RFTN2: variants seen among roughly 807,000 people sequenced by gnomAD.
The protein encoded by RFTN2 is raftlin family member 2.
In RFTN2, 34 loss-of-function variants were observed where a neutral mutation model predicts 52.7. The observed-to-expected ratio is 0.64, with a 90% CI of 0.49 to 0.86. The LOEUF (loss-of-function observed/expected upper bound fraction) is 0.86. Ranked by LOEUF, RFTN2 falls within the 40% of genes least tolerant of loss-of-function variation. The probability of loss-of-function intolerance (pLI) is 0.00; values close to 1 mark genes in which losing one functional copy is unlikely to be tolerated. For missense variants in RFTN2, 536 were observed against 600.1 expected, an observed-to-expected ratio of 0.89 and a Z score of 1.12; for synonymous variants, 203 against 217.7, an observed-to-expected ratio of 0.93 and a Z score of 0.59.
chr2:197,587,867 A>G, intron 8 of RFTN2: 1 of 367,508 alleles, frequency 2.7e-6, no homozygotes, highest in Non-Finnish European at 5.5e-6. Flanking sequence ...AAGCCCAACT[A>G]GTTCTTGGAG....
intron 5 of RFTN2, among the ~76,000 whole-genome samples, chr2:197,619,264 G>A (rs1196005692): frequency 3.3e-5 from 5 of 151,930 alleles, no homozygotes; most frequent in Admixed American, 1.3e-4. Flanking sequence ...CATTGAGAAC[G>A]GGCCATGATG....
At chr2:197,607,340 G>A (rs2087978930) in intron 7 of RFTN2, among the ~76,000 whole-genome samples, 1 of 152,044 alleles carries the variant, frequency 6.6e-6, no homozygotes, top group South Asian at 2.1e-4. Flanking sequence ...TGGGGTGGAG[G>A]GAGGGGGCAG....
chr2:197,640,889 T>A (rs1297442045), intron 3 of RFTN2, among the ~76,000 whole-genome samples: 1 of 152,250 alleles, frequency 6.6e-6, no homozygotes, highest in Non-Finnish European at 1.5e-5. Context: ...TTCTTTGTTC[T>A]ATTTTCTTCA....
intron 5 of RFTN2, among the ~76,000 whole-genome samples, chr2:197,628,960 T>C (rs1355750901): frequency 6.6e-6 from 1 of 152,228 alleles, no homozygotes; most frequent in Non-Finnish European, 1.5e-5. Context: ...GTCCTTCCTA[T>C]GAAACTTTGC....
At chr2:197,634,402 G>T (rs1171024915) in intron 3 of RFTN2, among the ~76,000 whole-genome samples, 3 of 152,014 alleles carry the variant, frequency 2.0e-5, no homozygotes, top group Non-Finnish European at 2.9e-5. Flanking sequence ...ATTAATAAAG[G>T]TTTATTAAAT....
chr2:197,592,600 G>A (rs1452365679), intron 8 of RFTN2, among the ~76,000 whole-genome samples: 1 of 152,176 alleles, frequency 6.6e-6, no homozygotes, highest in Non-Finnish European at 1.5e-5. Flanking sequence ...CATTTGTAAT[G>A]TCTGAAATAT....
rs147689713 is a variant in RFTN2 at position 197,670,273 on chromosome 2, A to G, written c.139+5047T>C. On this transcript the variant is annotated intron_variant, in intron 1 of 8. Coordinates refer to ENST00000295049, the MANE Select transcript of RFTN2 (RefSeq NM_144629.3). ...GTATTGTGTGAGTATACCACAATTT[A>G]TTTTTCCATTCTTTTGTTTTTTGGA... Among the ~76,000 whole-genome samples, 396 of 152,186 alleles carry G rather than the reference A, an allele frequency of 2.6e-3. 7 individuals are homozygous for G. Among genetic ancestry groups the G allele is most frequent in the Admixed American group, 0.018 (274 of 15,292 alleles).
intron 1 of RFTN2, among the ~76,000 whole-genome samples, chr2:197,668,781 C>A (rs2089098370): frequency 6.6e-6 from 1 of 152,142 alleles, no homozygotes; most frequent in African/African-American, 2.4e-5. Context: ...GTGTTTGGGA[C>A]CCAGTATGCC....
intron 4 of RFTN2, among the ~76,000 whole-genome samples, chr2:197,632,838 G>A (rs983846443): frequency 3.3e-5 from 5 of 152,170 alleles, no homozygotes; most frequent in African/African-American, 9.7e-5. Context: ...ACACCAAGGC[G>A]TGCTCCTCCA....
At chr2:197,607,890 G>A (rs1424061636) in intron 7 of RFTN2, among the ~76,000 whole-genome samples, 1 of 152,130 alleles carries the variant, frequency 6.6e-6, no homozygotes, top group Non-Finnish European at 1.5e-5. Context: ...AGATGAGAAA[G>A]AGCGATGGTA....
chr2:197,588,837 G>A (rs1410585726), intron 8 of RFTN2, among the ~76,000 whole-genome samples: 1 of 152,136 alleles, frequency 6.6e-6, no homozygotes, highest in African/African-American at 2.4e-5. Flanking sequence ...CACGTGTTGT[G>A]GGAGGGACCT....
chr2:197,674,420 GATA>G (rs1428359496), intron 1 of RFTN2, among the ~76,000 whole-genome samples: 2 of 147,590 alleles, frequency 1.4e-5, no homozygotes, highest in African/African-American at 2.5e-5. Context: ...TATTCAACAT[GATA>G]ATTTAGTATA....
chr2:197,639,385 C>T (rs1399344213), intron 3 of RFTN2, among the ~76,000 whole-genome samples: 4 of 152,000 alleles, frequency 2.6e-5, no homozygotes, highest in African/African-American at 7.3e-5. Context: ...ACCAGCCAGA[C>T]GTAGATTTGG....
intron 7 of RFTN2, among the ~76,000 whole-genome samples, chr2:197,613,029 G>A (rs1479324930): frequency 2.6e-5 from 4 of 152,210 alleles, no homozygotes; most frequent in Non-Finnish European, 5.9e-5. Flanking sequence ...TTTTCTGGGT[G>A]TGAGAATATG....
intron 4 of RFTN2, 136 bp downstream of exon 4, chr2:197,633,582 C>G: frequency 1.4e-6 from 1 of 707,284 alleles, no homozygotes. Flanking sequence ...TTTTAAAAAT[C>G]ATGAGGTTTT....
chr2:197,591,735 G>A (rs569787495), intron 8 of RFTN2, among the ~76,000 whole-genome samples: 4 of 152,258 alleles, frequency 2.6e-5, no homozygotes, highest in Non-Finnish European at 4.4e-5. Flanking sequence ...GTGAAAAATC[G>A]AGGGCAGTGT....
intron 1 of RFTN2, among the ~76,000 whole-genome samples, chr2:197,656,319 G>A (rs959015733): frequency 6.6e-6 from 1 of 152,148 alleles, no homozygotes; most frequent in Admixed American, 6.5e-5. Context: ...AGAAAGAGAG[G>A]CAGTACACTA....
rs113421960 is a variant in RFTN2, at chr2:197,591,826, G to A, written c.1233+4165C>T. 6.5e-3 allele frequency among the ~76,000 whole-genome samples: 987 copies of A among 151,942 alleles called. 7 individuals are homozygous for A. Among genetic ancestry groups the A allele is most frequent in the Non-Finnish European group, 9.8e-3 (665 of 67,892 alleles). ...GTGCTAACAATGCCTGGGGCCAGCC[G>A]GCCGCTCTGAGTGTGGGCCCACCGA... On this transcript the variant is annotated intron_variant, in intron 8 of 8. Transcript: ENST00000295049.
chr2:197,643,941 G>A (rs1271470830), intron 3 of RFTN2, among the ~76,000 whole-genome samples: 1 of 151,958 alleles, frequency 6.6e-6, no homozygotes, highest in Non-Finnish European at 1.5e-5. Flanking sequence ...TCTTATATTT[G>A]TTTAAATTTA....
Sources: allele counts gnomAD v4.1 joint callset (sites outside exome capture counted in the v4.1 genomes callset), GRCh38; gene constraint gnomAD v4.1.1; transcripts MANE v1.5; gene names NCBI Gene and HGNC (gene_info 2026-07-23, HGNC 2026-07-21).